The following STK39 variants were observed in gnomAD, a reference collection of about 807,000 sequenced individuals.
The protein encoded by STK39 is serine/threonine kinase 39.
Under a neutral mutation model 77.8 loss-of-function variants are expected in STK39, and 20 were observed. The observed-to-expected ratio is 0.26, with a 90% confidence interval of 0.18 to 0.37. STK39 has a LOEUF of 0.37. Among genes scored for constraint, STK39 ranks in the 10% least tolerant of loss-of-function variants. STK39 has a pLI of 1.00. For missense variants in STK39, 479 were observed against 656.5 expected, an observed-to-expected ratio of 0.73 and a Z score of 2.95; for synonymous variants, 246 against 234.1, an observed-to-expected ratio of 1.05 and a Z score of -0.47.
At chr2:167,994,309 A>C (rs539540647) in intron 16 of STK39, among the ~76,000 whole-genome samples, 1 of 152,332 alleles carries the variant, frequency 6.6e-6, no homozygotes, top group South Asian at 2.1e-4. Context: ...TACAGAAAAT[A>C]ATACTCATGA....
chr2:168,247,274 G>C lies in STK39; in HGVS notation c.162C>G (p.Val54=). Residue 54 remains valine, a synonymous_variant, in exon 1 of 18, where the codon GTC becomes GTG. Transcript: ENST00000355999. The part of the protein sequence containing the change: ...APAPAPAAQA[V]GWPICRDAYE... ...ACGCGTCCCTGCAGATGGGCCAGCC[G>C]ACAGCCTGTGCCGCCGGGGCCGGGG... The C allele has an allele frequency of 9.2e-7, 1 of 1,087,944 alleles. No homozygotes were observed. The highest frequency in any genetic ancestry group is 1.1e-6 in the Non-Finnish European group (1 of 897,926). 67.4% of individuals were successfully genotyped at this position (1,087,944 alleles called of 1,614,324 possible).
intron 3 of STK39, among the ~76,000 whole-genome samples, chr2:168,164,261 A>C (rs1574517970): frequency 6.6e-6 from 1 of 152,300 alleles, no homozygotes; most frequent in East Asian, 1.9e-4. Context: ...AAAAGGCAGA[A>C]GTGAACTGCT....
At chr2:168,104,391 C>T (rs1686915128) in intron 10 of STK39, among the ~76,000 whole-genome samples, 1 of 152,028 alleles carries the variant, frequency 6.6e-6, no homozygotes, top group Non-Finnish European at 1.5e-5. Flanking sequence ...AAGACATTGC[C>T]AAAGAAATCA....
chr2:168,062,506 T>C (rs17176535), intron 14 of STK39, among the ~76,000 whole-genome samples: 2 of 152,174 alleles, frequency 1.3e-5, no homozygotes. Flanking sequence ...GAGGTTCCTT[T>C]GACAAATACG....
chr2:167,962,449 C>T (rs1351319909), intron 17 of STK39, among the ~76,000 whole-genome samples: 1 of 152,148 alleles, frequency 6.6e-6, no homozygotes. Context: ...AAGGGCTGGA[C>T]AGAAAGTTAA....
intron 1 of STK39, among the ~76,000 whole-genome samples, chr2:168,222,156 G>A (rs1690189321): frequency 6.6e-6 from 1 of 152,186 alleles, no homozygotes; most frequent in African/African-American, 2.4e-5. Context: ...GGGAGCACAT[G>A]AGCGAAACCC....
At chr2:168,128,982 C>CATAA (rs969736544) in intron 10 of STK39, among the ~76,000 whole-genome samples, 2 of 151,988 alleles carry the variant, frequency 1.3e-5, no homozygotes, top group African/African-American at 4.8e-5. Flanking sequence ...TGGAAAAATA[C>CATAA]ATAAATAAAT....
intron 1 of STK39, among the ~76,000 whole-genome samples, chr2:168,202,081 A>G (rs1689625155): frequency 6.6e-6 from 1 of 152,168 alleles, no homozygotes; most frequent in Non-Finnish European, 1.5e-5. Flanking sequence ...TGGTTGCCAT[A>G]AGGCCAGGAT....
chr2:168,067,358 C>T (rs770927457), intron 12 of STK39, among the ~76,000 whole-genome samples: 5 of 152,188 alleles, frequency 3.3e-5, no homozygotes, highest in Non-Finnish European at 7.3e-5. Flanking sequence ...TCTGAGTTCA[C>T]ACGAGATTTG....
At position 168,168,573 on chromosome 2, in the gene STK39, G is replaced by A. The variant is rs78118524; in HGVS notation, c.322-1166C>T. On this transcript the variant is annotated intron_variant, in intron 2 of 17. Transcript: ENST00000355999. ...CCAAGCAGAACATCTCAATTTGGAC[G>A]TTATCTTTGCTTGTCCAGTACTGCC... Among the ~76,000 whole-genome samples, 250 of 152,268 alleles carry A rather than the reference G, an allele frequency of 1.6e-3. 9 individuals carry two copies. The East Asian group carries it at 0.045, about 27-fold the overall frequency.
intron 5 of STK39, among the ~76,000 whole-genome samples, chr2:168,142,834 A>T (rs3769402): frequency 0.18 from 28,078 of 152,152 alleles, 3,283 homozygotes; most frequent in African/African-American, 0.32. Context: ...GAAATATACA[A>T]TTTGCTCCTA....
intron 14 of STK39, among the ~76,000 whole-genome samples, chr2:168,057,550 A>G (rs1398553403): frequency 3.3e-5 from 5 of 152,086 alleles, no homozygotes; most frequent in Admixed American, 2.0e-4. Flanking sequence ...GCACGTGCAC[A>G]CACACACACG....
intron 2 of STK39, among the ~76,000 whole-genome samples, chr2:168,169,653 T>G (rs1688775286): frequency 6.6e-6 from 1 of 152,044 alleles, no homozygotes; most frequent in Admixed American, 6.5e-5. Flanking sequence ...TGTGTGTGTG[T>G]GTGTGTGTAA....
intron 10 of STK39, among the ~76,000 whole-genome samples, chr2:168,120,219 C>G (rs953021710): frequency 6.6e-6 from 1 of 152,180 alleles, no homozygotes; most frequent in Non-Finnish European, 1.5e-5. Flanking sequence ...CAGAACTTTA[C>G]TGATTGTTGT....
intron 8 of STK39, among the ~76,000 whole-genome samples, chr2:168,136,315 G>A (rs1171888275): frequency 6.7e-6 from 1 of 149,130 alleles, no homozygotes; most frequent in Non-Finnish European, 1.5e-5. Flanking sequence ...GTTGCAGTGA[G>A]CCAAGATCGC....
In STK39 at chr2:168,153,220, C is replaced by T. The variant is rs536492401; in HGVS notation, c.628+8567G>A. 2.0e-5 allele frequency among the ~76,000 whole-genome samples: 3 copies of T among 152,322 alleles called. No individual in the cohort carries two copies. The East Asian group carries it at 5.8e-4, about 29-fold the overall frequency. ...CTATATAGTCAGATGTTTATTAATT[C>T]ATTTGACAACTATTTGCCAAGATCT... On this transcript the variant is annotated intron_variant, in intron 5 of 17. Coordinates refer to ENST00000355999, the MANE Select transcript of STK39 (RefSeq NM_013233.3).
At chr2:167,965,296 G>A (rs539688315) in intron 16 of STK39, among the ~76,000 whole-genome samples, 2 of 152,350 alleles carry the variant, frequency 1.3e-5, no homozygotes, top group East Asian at 3.9e-4. Context: ...TCAGAGCACA[G>A]TGATCTGTCA....
At chr2:168,014,533 C>CCATAATAATGGAAGTTGGGGTAG (rs568028326) in intron 15 of STK39, among the ~76,000 whole-genome samples, 1,681 of 151,636 alleles carry the variant, frequency 0.011, 34 homozygotes, top group African/African-American at 0.038. Context: ...TAAAATGATC[C>CCATAATAATGGAAGTTGGGGTAG]CATAATAATG....
intron 16 of STK39, among the ~76,000 whole-genome samples, chr2:167,990,013 A>AATC (rs1465701571): frequency 1.3e-5 from 2 of 152,096 alleles, no homozygotes; most frequent in South Asian, 4.1e-4. Context: ...GACCAATAAT[A>AATC]ATCATCATCA....
Sources: allele counts gnomAD v4.1 joint callset (sites outside exome capture counted in the v4.1 genomes callset), GRCh38; gene constraint gnomAD v4.1.1; transcripts MANE v1.5; gene names NCBI Gene and HGNC (gene_info 2026-07-23, HGNC 2026-07-21).